Variants in ZBED6 observed in about 807,000 individuals in gnomAD.
The protein encoded by ZBED6 is zinc finger BED-type containing 6.
Under a neutral mutation model 58.4 loss-of-function variants are expected in ZBED6, and 40 were observed. That is an observed-to-expected ratio of 0.68 (90% CI 0.53 to 0.89). The LOEUF (loss-of-function observed/expected upper bound fraction) is 0.89, where lower values mean the gene tolerates loss of function less well. Among genes scored for constraint, ZBED6 ranks in the 40% least tolerant of loss-of-function variants. ZBED6 has a pLI of 0.00. For missense variants in ZBED6, 1,057 were observed against 1,003.9 expected (o/e 1.05, Z -0.71); for synonymous variants, 439 against 350.6 (o/e 1.25, Z -2.82).
intron 11 of ZBED6, among the ~76,000 whole-genome samples, chr1:203,845,969 A>G (rs1687777097): frequency 1.3e-5 from 2 of 152,020 alleles, no homozygotes; most frequent in Admixed American, 1.3e-4. Context: ...AAAGTGAGAC[A>G]GAACACAGTA....
chr1:203,815,167 AAC>A (rs1279002421), intron 1 of ZBED6, among the ~76,000 whole-genome samples: 1 of 149,888 alleles, frequency 6.7e-6, no homozygotes, highest in East Asian at 2.0e-4. Flanking sequence ...CCAGTTTTTG[AAC>A]AGTTAGGTTT....
At chr1:203,843,277 A>G (rs542563475) in intron 11 of ZBED6, among the ~76,000 whole-genome samples, 1 of 152,302 alleles carries the variant, frequency 6.6e-6, no homozygotes, top group African/African-American at 2.4e-5. Flanking sequence ...TAAATACATA[A>G]ATACTGATTC....
At chr1:203,804,674 CTTTT>C (rs35042121) in intron 1 of ZBED6, among the ~76,000 whole-genome samples, 180 of 137,660 alleles carry the variant, frequency 1.3e-3, no homozygotes, top group Non-Finnish European at 2.1e-3. Context: ...TTTGCCTCAT[CTTTT>C]TTTTTTTTTT....
At position 203,798,961 on chromosome 1, in the gene ZBED6, T is replaced by TA; in HGVS notation, c.1440dup (p.His481ThrfsTer5). ...TTAGAGAATGTTCAAAGCCAAAAGA[T>TA]ACACCTGACTGTTGACATATGGACC... On this transcript the variant is annotated frameshift_variant, in exon 1 of 17. Coordinates refer to ENST00000550078, the Ensembl canonical transcript of ZBED6. LOFTEE classifies it high-confidence loss of function. The TA allele has an allele frequency of 6.5e-7, 1 of 1,536,150 alleles. No individual in the cohort carries two copies. The highest frequency in any genetic ancestry group is 8.7e-7 in the Non-Finnish European group (1 of 1,146,896).
chr1:203,804,150 G>GTTT (rs1209891980), intron 1 of ZBED6, among the ~76,000 whole-genome samples: 3 of 131,014 alleles, frequency 2.3e-5, no homozygotes, highest in South Asian at 2.4e-4. Flanking sequence ...TCCTGTATAT[G>GTTT]TGTTTTTTTT....
At chr1:203,850,012 A>C (rs1165499252) in exon 14 of ZBED6, 1 of 1,613,810 alleles carries the variant, frequency 6.2e-7, no homozygotes, top group Admixed American at 1.7e-5. Flanking sequence ...CAGACCTTGG[A>C]AAAAAGGGGT....
intron 11 of ZBED6, among the ~76,000 whole-genome samples, chr1:203,846,161 G>T (rs6685483): frequency 0.017 from 1,650 of 96,764 alleles, 38 homozygotes; most frequent in African/African-American, 0.05. Flanking sequence ...TAATTTTTTT[G>T]GGGGGGGGGT....
intron 2 of ZBED6, 63 bp from the exon 3 acceptor site, chr1:203,818,507 A>T: frequency 6.2e-7 from 1 of 1,605,006 alleles, no homozygotes; most frequent in Non-Finnish European, 8.5e-7. Flanking sequence ...AGCTCTTGTT[A>T]TGGATATTTT....
chr1:203,829,951 AT>A, intron 6 of ZBED6, 55 bp downstream of exon 6: 3 of 1,516,224 alleles, frequency 2.0e-6, no homozygotes, highest in Non-Finnish European at 2.7e-6. Context: ...TACCTTTGAA[AT>A]TTAGTTCACA....
chr1:203,819,085 T>TACACAC (rs1329539748), intron 3 of ZBED6, among the ~76,000 whole-genome samples: 6 of 66,040 alleles, frequency 9.1e-5, no homozygotes, highest in East Asian at 8.8e-4. Flanking sequence ...AAAATATATA[T>TACACAC]ATATACACAC....
At chr1:203,818,771 T>A (rs774831498) in intron 3 of ZBED6, 82 bp downstream of exon 3, 1 of 1,599,030 alleles carries the variant, frequency 6.3e-7, no homozygotes, top group Non-Finnish European at 8.5e-7. Context: ...AAAAGTGACT[T>A]TTAAAAAATA....
exon 1 of ZBED6, chr1:203,800,659 C>T: frequency 2.2e-6 from 1 of 449,240 alleles, no homozygotes; most frequent in Non-Finnish European, 3.8e-6. Flanking sequence ...AACTGTGGCG[C>T]TAGCACTTGA....
intron 11 of ZBED6, among the ~76,000 whole-genome samples, chr1:203,841,748 C>T (rs927512152): frequency 6.6e-6 from 1 of 151,588 alleles, no homozygotes; most frequent in Non-Finnish European, 1.5e-5. Flanking sequence ...AGGCGCCCCC[C>T]ACCTCCCAGA....
intron 3 of ZBED6, among the ~76,000 whole-genome samples, chr1:203,825,705 G>A (rs967402231): frequency 9.9e-5 from 15 of 152,154 alleles, no homozygotes; most frequent in Admixed American, 2.0e-4. Context: ...GATTACAGGC[G>A]TGAGCCACCA....
intron 1 of ZBED6, 121 bp from the exon 2 acceptor site, chr1:203,816,805 C>G (rs1052695028): frequency 2.8e-6 from 1 of 360,930 alleles, no homozygotes; most frequent in African/African-American, 2.1e-5. Context: ...TTACAAGGCT[C>G]TGTATAAGCA....
chr1:203,800,171 C>T (rs927152775), exon 1 of ZBED6: 4 of 1,530,896 alleles, frequency 2.6e-6, no homozygotes, highest in Admixed American at 3.9e-5. Context: ...GAGGTGATGA[C>T]CCTTTAATTT....
chr1:203,824,833 A>G (rs562656455), intron 3 of ZBED6, among the ~76,000 whole-genome samples: 6 of 152,244 alleles, frequency 3.9e-5, no homozygotes, highest in African/African-American at 1.4e-4. Flanking sequence ...TAATCCCAGC[A>G]CTTTGGGAGG....
chr1:203,820,232 C>G (rs58041980), intron 3 of ZBED6, among the ~76,000 whole-genome samples: 1 of 147,290 alleles, frequency 6.8e-6, no homozygotes, highest in African/African-American at 2.5e-5. Context: ...GAGACTCCAT[C>G]TCAAGAAAAA....
exon 1 of ZBED6, chr1:203,800,260 G>T: frequency 9.1e-7 from 1 of 1,094,558 alleles, no homozygotes; most frequent in Non-Finnish European, 1.3e-6. Context: ...ATGTGTAGTT[G>T]GCAATCTGAA....
Sources: gnomAD v4.1 joint callset for allele counts (sites outside exome capture counted in the v4.1 genomes callset) on GRCh38, gnomAD v4.1.1 for gene constraint, MANE v1.5 for transcripts, NCBI Gene and HGNC (gene_info 2026-07-23, HGNC 2026-07-21) for gene names.